The following CCDC152 variants were observed in gnomAD, a reference collection of about 807,000 sequenced individuals.
CCDC152 encodes the protein coiled-coil domain-containing protein 152.
CCDC152 carries 37 observed loss-of-function variants against 38.1 expected under a neutral mutation model. The ratio of observed to expected loss-of-function variants is 0.97; its 90% CI spans 0.75 to 1.28. CCDC152 has a LOEUF of 1.28. CCDC152 is among the 50% of genes most tolerant of loss of function. The probability of loss-of-function intolerance (pLI) is 0.00; values close to 1 mark genes in which losing one functional copy is unlikely to be tolerated. For synonymous variants in CCDC152, 83 were observed against 87.1 expected (o/e 0.95, Z 0.26); for missense variants, 259 against 292.1 (o/e 0.89, Z 0.83).
chr5:42,796,469 G>A (rs1169015952), intron 6 of CCDC152, among the ~76,000 whole-genome samples: 2 of 152,116 alleles, frequency 1.3e-5, no homozygotes, highest in Non-Finnish European at 2.9e-5. Context: ...TAGTATAGCA[G>A]GGGCTTCATG....
At chr5:42,794,300 C>T (rs939232041) in intron 6 of CCDC152, among the ~76,000 whole-genome samples, 20 of 152,150 alleles carry the variant, frequency 1.3e-4, no homozygotes, top group Non-Finnish European at 2.9e-4. Flanking sequence ...ATACCTCCTT[C>T]GACCTTAATG....
chr5:42,764,285 C>T lies in CCDC152; in HGVS notation c.193+1737C>T, dbSNP rs7717586. Among the ~76,000 whole-genome samples the T allele has an allele frequency of 1.0e-3, 159 of 152,220 alleles. 1 individual carries two copies. Among genetic ancestry groups the T allele is most frequent in the African/African-American group, 3.8e-3 (157 of 41,536 alleles). On this transcript the variant is annotated intron_variant, in intron 3 of 8. Coordinates refer to ENST00000361970, the MANE Select transcript of CCDC152 (RefSeq NM_001134848.2). ...ATTAGCCGGGCATGGTGGCAGGCGC[C>T]TGTAATCCCAGTTACTCGGGAGATT...
intron 6 of CCDC152, among the ~76,000 whole-genome samples, chr5:42,785,984 T>G (rs1180704543): frequency 6.6e-6 from 1 of 152,132 alleles, no homozygotes; most frequent in Non-Finnish European, 1.5e-5. Context: ...CGTTTGATCC[T>G]GATGAATTAT....
chr5:42,798,572 T>TC (rs1383120032), intron 7 of CCDC152, among the ~76,000 whole-genome samples: 1 of 152,224 alleles, frequency 6.6e-6, no homozygotes, highest in Admixed American at 6.5e-5. Context: ...CTAATCCTCC[T>TC]CTGTTTGGAA....
At chr5:42,777,835 T>C (rs1759788761) in intron 4 of CCDC152, among the ~76,000 whole-genome samples, 1 of 152,192 alleles carries the variant, frequency 6.6e-6, no homozygotes, top group African/African-American at 2.4e-5. Context: ...GTCAAAAATC[T>C]TTACTGATTT....
In CCDC152 at chr5:42,796,251, A is replaced by AT. The variant is rs200247069; in HGVS notation, c.431-576dup. 9.3e-4 allele frequency among the ~76,000 whole-genome samples: 139 copies of AT among 149,478 alleles called. 1 individual carries two copies. The highest frequency in any genetic ancestry group is 3.0e-3 in the African/African-American group (121 of 40,706). The stretch of plus-strand genomic sequence containing the variant: ...AAACTTAAAGTATAATAATAATAAA[A>AT]TTAAAAAAAAAAAAAAGAAAGCTAG... On this transcript the variant is annotated intron_variant, in intron 6 of 8. Transcript: ENST00000361970.
chr5:42,796,029 G>A (rs911000504), intron 6 of CCDC152, among the ~76,000 whole-genome samples: 1 of 150,116 alleles, frequency 6.7e-6, no homozygotes, highest in African/African-American at 2.5e-5. Context: ...TCATAGGTGG[G>A]AATTGAACAA....
intron 5 of CCDC152, among the ~76,000 whole-genome samples, chr5:42,782,184 ATATT>A (rs1219063565): frequency 3.9e-5 from 6 of 152,198 alleles, no homozygotes; most frequent in Admixed American, 2.6e-4. Context: ...GGAATTAGGA[ATATT>A]TATATAATTT....
chr5:42,787,515 A>G (rs1044843338), intron 6 of CCDC152, among the ~76,000 whole-genome samples: 4 of 151,912 alleles, frequency 2.6e-5, no homozygotes, highest in Non-Finnish European at 5.9e-5. Context: ...ACTATTGTAC[A>G]GCTGTCTATC....
At chr5:42,760,614 G>A (rs910878775) in intron 2 of CCDC152, among the ~76,000 whole-genome samples, 2 of 152,180 alleles carry the variant, frequency 1.3e-5, no homozygotes, top group Non-Finnish European at 2.9e-5. Context: ...GTGACTTTGT[G>A]AAGCAAGAGT....
chr5:42,761,473 G>T (rs540759353), intron 2 of CCDC152, among the ~76,000 whole-genome samples: 3 of 152,194 alleles, frequency 2.0e-5, no homozygotes, highest in Admixed American at 1.3e-4. Flanking sequence ...AAATTAGCCG[G>T]GTGTGGTGGC....
rs985058941 is a variant in CCDC152 at position 42,800,989 on chromosome 5, A to G, written c.*1208A>G. On this transcript the variant is annotated 3_prime_UTR_variant, in exon 9 of 9. Coordinates refer to ENST00000361970, the MANE Select transcript of CCDC152 (RefSeq NM_001134848.2). ...CATCAGCTCCTAGGAGCCAACTCTG[A>G]ATCTGTGGGCAATTTACAGAGTAAT... 3.1e-6 allele frequency: 5 copies of G among 1,614,106 alleles called. No individual in the cohort carries two copies. The African/African-American group carries it at 6.7e-5, about 22-fold the overall frequency.
chr5:42,760,180 T>A (rs1482104924), intron 2 of CCDC152, among the ~76,000 whole-genome samples: 1 of 151,830 alleles, frequency 6.6e-6, no homozygotes, highest in East Asian at 1.9e-4. Flanking sequence ...GGCAGGCTCC[T>A]ATAGTCCCAG....
intron 4 of CCDC152, among the ~76,000 whole-genome samples, chr5:42,773,283 G>C (rs766748647): frequency 1.3e-5 from 2 of 152,050 alleles, no homozygotes; most frequent in Non-Finnish European, 2.9e-5. Flanking sequence ...GGGACTTATG[G>C]ATTATGTAAA....
intron 6 of CCDC152, among the ~76,000 whole-genome samples, chr5:42,783,837 A>C (rs986201258): frequency 6.6e-6 from 1 of 151,386 alleles, no homozygotes; most frequent in Non-Finnish European, 1.5e-5. Context: ...AAGTGAGTAC[A>C]TGCAGTATTT....
chr5:42,800,559 TATGAC>T lies in CCDC152; in HGVS notation c.*781_*785del. 1 of 828,470 alleles carries T rather than the reference TATGAC, an allele frequency of 1.2e-6. No homozygotes were observed. The highest frequency in any genetic ancestry group is 1.8e-6 in the Non-Finnish European group (1 of 552,244). 51.3% of individuals were successfully genotyped at this position (828,470 alleles called of 1,614,324 possible). A position where few individuals can be genotyped will look rare whatever the true frequency, so the allele number is the denominator to read the frequency against. ...AAAATATGGTTTGAGTCAATATTTC[TATGAC>T]ATAAAATTTAAAATCTGGAAGCCAA... On this transcript the variant is annotated 3_prime_UTR_variant, in exon 9 of 9. Coordinates refer to ENST00000361970, the MANE Select transcript of CCDC152 (RefSeq NM_001134848.2).
intron 6 of CCDC152, among the ~76,000 whole-genome samples, chr5:42,789,307 T>C (rs914173916): frequency 1.1e-4 from 16 of 152,230 alleles, no homozygotes; most frequent in African/African-American, 3.6e-4. Flanking sequence ...GTCCTGGCTC[T>C]CTTCCCTCAG....
At chr5:42,768,562 C>G (rs898620872) in intron 3 of CCDC152, among the ~76,000 whole-genome samples, 12 of 152,204 alleles carry the variant, frequency 7.9e-5, no homozygotes, top group South Asian at 2.1e-4. Flanking sequence ...TCTATTATGT[C>G]AGCAGCCATT....
chr5:42,768,489 T>C (rs924309221), intron 3 of CCDC152, among the ~76,000 whole-genome samples: 3 of 152,220 alleles, frequency 2.0e-5, no homozygotes, highest in Admixed American at 2.0e-4. Context: ...TGGCTACCAA[T>C]ATTATAGTCA....
Sources: allele counts gnomAD v4.1 joint callset (sites outside exome capture counted in the v4.1 genomes callset), GRCh38; gene constraint gnomAD v4.1.1; transcripts MANE v1.5; gene names NCBI Gene and HGNC (gene_info 2026-07-23, HGNC 2026-07-21).